The following PHACTR1 variants were observed in gnomAD, a reference collection of about 807,000 sequenced individuals.
PHACTR1 encodes the protein phosphatase and actin regulator 1.
PHACTR1 carries 16 observed loss-of-function variants against 69.2 expected under a neutral mutation model. The observed-to-expected ratio is 0.23, with a 90% CI of 0.16 to 0.35. The LOEUF is 0.35. PHACTR1 is among the 10% of genes least tolerant of loss of function. The pLI is 1.00. For missense variants in PHACTR1, 510 were observed against 734.7 expected, an observed-to-expected ratio of 0.69 and a Z score of 3.54; for synonymous variants, 312 against 284.5, an observed-to-expected ratio of 1.10 and a Z score of -0.97.
intron 8 of PHACTR1, among the ~76,000 whole-genome samples, chr6:13,206,879 G>A (rs1026255309): frequency 4.6e-5 from 7 of 152,168 alleles, no homozygotes; most frequent in Admixed American, 3.9e-4. Flanking sequence ...CCATGCAGTC[G>A]TGGGGAGAAC....
At chr6:12,929,817 C>T (rs1442314400) in intron 4 of PHACTR1, among the ~76,000 whole-genome samples, 2 of 152,302 alleles carry the variant, frequency 1.3e-5, no homozygotes, top group African/African-American at 2.4e-5. Context: ...TTCATTCAAG[C>T]GTGTCAGAAA....
intron 5 of PHACTR1, among the ~76,000 whole-genome samples, chr6:13,156,149 A>G (rs1758142540): frequency 9.9e-5 from 15 of 152,152 alleles, no homozygotes; most frequent in Admixed American, 9.8e-4. Flanking sequence ...TCATTTTGCT[A>G]GGCCTCAGGT....
At chr6:13,031,009 C>T (rs1216307887) in intron 4 of PHACTR1, among the ~76,000 whole-genome samples, 2 of 152,186 alleles carry the variant, frequency 1.3e-5, no homozygotes, top group Non-Finnish European at 2.9e-5. Context: ...CCCCACCCCA[C>T]CCCAGTGGTG....
chr6:13,033,106 A>G (rs907134650), intron 4 of PHACTR1, among the ~76,000 whole-genome samples: 2 of 152,088 alleles, frequency 1.3e-5, no homozygotes, highest in African/African-American at 2.4e-5. Flanking sequence ...CTAACTTGCA[A>G]CTACATATAT....
chr6:12,798,976 C>T (rs1394548808), intron 4 of PHACTR1, among the ~76,000 whole-genome samples: 2 of 152,188 alleles, frequency 1.3e-5, no homozygotes, highest in African/African-American at 4.8e-5. Context: ...ATTCTTTCTT[C>T]TCTGAAGTTG....
intron 4 of PHACTR1, among the ~76,000 whole-genome samples, chr6:13,036,788 A>G (rs552444972): frequency 1.3e-5 from 2 of 152,322 alleles, no homozygotes; most frequent in South Asian, 4.1e-4. Flanking sequence ...CCTGTAAGTA[A>G]ATAAAGGATA....
At chr6:13,051,585 G>A (rs1416429323) in intron 4 of PHACTR1, among the ~76,000 whole-genome samples, 1 of 151,970 alleles carries the variant, frequency 6.6e-6, no homozygotes, top group African/African-American at 2.4e-5. Flanking sequence ...ATTCCTGTTG[G>A]GTCTGTTTCT....
intron 4 of PHACTR1, among the ~76,000 whole-genome samples, chr6:12,810,171 G>C (rs1774862576): frequency 6.6e-6 from 1 of 152,146 alleles, no homozygotes; most frequent in African/African-American, 2.4e-5. Context: ...GTCACCTTCA[G>C]ATTATTTTTC....
chr6:12,845,271 T>C (rs2127748459), intron 4 of PHACTR1, among the ~76,000 whole-genome samples: 1 of 152,286 alleles, frequency 6.6e-6, no homozygotes, highest in East Asian at 1.9e-4. Context: ...ACCAGATCTC[T>C]TGATGCATAA....
intron 4 of PHACTR1, among the ~76,000 whole-genome samples, chr6:12,990,788 G>A (rs894943527): frequency 6.6e-6 from 1 of 152,188 alleles, no homozygotes; most frequent in Non-Finnish European, 1.5e-5. Context: ...TTAAGCAGTG[G>A]AAGTGGCTCT....
chr6:12,771,068 G>T (rs1214957622), intron 4 of PHACTR1, among the ~76,000 whole-genome samples: 1 of 152,216 alleles, frequency 6.6e-6, no homozygotes, highest in Non-Finnish European at 1.5e-5. Context: ...GGCCCCAGAG[G>T]CTTTTGCTCC....
intron 4 of PHACTR1, among the ~76,000 whole-genome samples, chr6:12,930,290 C>T (rs1384497203): frequency 6.6e-6 from 1 of 152,150 alleles, no homozygotes; most frequent in African/African-American, 2.4e-5. Context: ...AGCAGTCCTC[C>T]CACCTTGGCC....
At chr6:13,047,450 C>T (rs1268148822) in intron 4 of PHACTR1, among the ~76,000 whole-genome samples, 1 of 151,364 alleles carries the variant, frequency 6.6e-6, no homozygotes, top group African/African-American at 2.4e-5. Flanking sequence ...TACCTTACCT[C>T]CACTCTGATC....
At chr6:12,887,902 C>G (rs930647051) in intron 4 of PHACTR1, among the ~76,000 whole-genome samples, 1 of 148,904 alleles carries the variant, frequency 6.7e-6, no homozygotes, top group Admixed American at 6.6e-5. Flanking sequence ...AACCCTGTCT[C>G]TACTAAAATA....
intron 4 of PHACTR1, among the ~76,000 whole-genome samples, chr6:12,753,957 TATATATATATA>T (rs1766938640): frequency 9.7e-6 from 1 of 103,018 alleles, no homozygotes; most frequent in African/African-American, 3.3e-5. Context: ...TATATATATA[TATATATATATA>T]TATTTTTTTT....
chr6:13,012,103 C>T lies in PHACTR1; in HGVS notation c.251-41262C>T, dbSNP rs148643942. On this transcript the variant is annotated intron_variant, in intron 4 of 14. Transcript: ENST00000332995. ...ACAGAGACCTGCATTCTACATCCAT[C>T]CCCCTCTAGGGGAGGCGATGGCAGC... Among the ~76,000 whole-genome samples the T allele has an allele frequency of 5.1e-3, 782 of 152,318 alleles. 10 individuals are homozygous for T. The highest frequency in any genetic ancestry group is 0.017 in the African/African-American group (723 of 41,564).
chr6:12,735,513 C>T (rs1764125789), intron 3 of PHACTR1, among the ~76,000 whole-genome samples: 1 of 152,186 alleles, frequency 6.6e-6, no homozygotes, highest in African/African-American at 2.4e-5. Flanking sequence ...ATAGCTCATA[C>T]ACCTAAACAG....
At chr6:13,160,399 A>G (rs1438433244) in intron 6 of PHACTR1, 115 bp downstream of exon 6, 1 of 925,862 alleles carries the variant, frequency 1.1e-6, no homozygotes, top group Non-Finnish European at 1.8e-6. Context: ...GATTTGAACC[A>G]TTAAAACTCC....
In PHACTR1 at chr6:13,109,833, C is replaced by CGTGTGTGTGTGT. The variant is rs58370068; in HGVS notation, c.416-50352_416-50341dup. The stretch of plus-strand genomic sequence containing the variant: ...CTTAGCCTCTGTTCAATTTTTTCAG[C>CGTGTGTGTGTGT]GTGTGTGTGTGTGTGTGTGTGTGTG... On this transcript the variant is annotated intron_variant, in intron 5 of 14. Coordinates refer to ENST00000332995, the MANE Select transcript of PHACTR1 (RefSeq NM_030948.6). Among the ~76,000 whole-genome samples the CGTGTGTGTGTGT allele has an allele frequency of 4.6e-3, 677 of 146,172 alleles. 4 individuals are homozygous for CGTGTGTGTGTGT. Among genetic ancestry groups the CGTGTGTGTGTGT allele is most frequent in the African/African-American group, 0.012 (469 of 39,850 alleles).
Sources: allele counts gnomAD v4.1 joint callset (sites outside exome capture counted in the v4.1 genomes callset), GRCh38; gene constraint gnomAD v4.1.1; transcripts MANE v1.5; gene names NCBI Gene and HGNC (gene_info 2026-07-23, HGNC 2026-07-21).